AFF2: variants seen among roughly 807,000 people sequenced by gnomAD.
AFF2 encodes AF4/FMR2 family member 2.
In AFF2, 14 loss-of-function variants were observed where a neutral mutation model predicts 76.9. The ratio of observed to expected loss-of-function variants is 0.18; its 90% CI spans 0.12 to 0.28. The LOEUF is 0.28. AFF2 is among the 10% of genes least tolerant of loss of function. The pLI is 1.00. For synonymous variants in AFF2, 398 were observed against 366.7 expected (o/e 1.09, Z -0.98); for missense variants, 868 against 1,001.1 (o/e 0.87, Z 1.79).
At chrX:148,567,724 T>C (rs1220070925) in intron 1 of AFF2, among the ~76,000 whole-genome samples, 1 of 111,783 alleles carries the variant, frequency 8.9e-6, no homozygotes, top group East Asian at 2.8e-4. Context: ...AAAATGAAGC[T>C]CACTCTTATC....
chrX:148,895,653 A>G, intron 8 of AFF2, among the ~76,000 whole-genome samples: 1 of 109,889 alleles, frequency 9.1e-6, no homozygotes, highest in Non-Finnish European at 1.9e-5. Context: ...ACCGAAACAA[A>G]TAGAAATTCT....
chrX:148,606,616 G>A (rs890373302), intron 1 of AFF2, among the ~76,000 whole-genome samples: 2 of 111,420 alleles, frequency 1.8e-5, no homozygotes, highest in African/African-American at 6.5e-5. Context: ...AGATGCTATA[G>A]CATGTGAATG....
intron 1 of AFF2, among the ~76,000 whole-genome samples, chrX:148,647,537 A>T (rs1372635999): frequency 1.8e-5 from 2 of 111,388 alleles, no homozygotes; most frequent in Non-Finnish European, 3.8e-5. Flanking sequence ...TAAGGAAACT[A>T]GTGGTTTATC....
chrX:148,927,683 G>C (rs2071668564), intron 9 of AFF2, among the ~76,000 whole-genome samples: 1 of 111,965 alleles, frequency 8.9e-6, no homozygotes, highest in African/African-American at 3.2e-5. Flanking sequence ...GAGGGATGTG[G>C]CGTTCTGCAT....
intron 1 of AFF2, among the ~76,000 whole-genome samples, chrX:148,538,489 C>G (rs181758808): frequency 8.9e-6 from 1 of 112,498 alleles, no homozygotes; most frequent in Admixed American, 9.4e-5. Context: ...AGAAATCGTT[C>G]AGGAATTTTG....
At chrX:148,516,576 C>T (rs989576455) in intron 1 of AFF2, among the ~76,000 whole-genome samples, 8 of 111,944 alleles carry the variant, frequency 7.1e-5, no homozygotes, top group African/African-American at 9.8e-5. Context: ...ACGTCAGACA[C>T]TCATCTGAAC....
intron 1 of AFF2, among the ~76,000 whole-genome samples, chrX:148,544,736 G>T (rs1449081347): frequency 8.9e-6 from 1 of 112,013 alleles, no homozygotes; most frequent in Non-Finnish European, 1.9e-5. Flanking sequence ...CCTCTTATGA[G>T]TCCACTGAGC....
At chrX:148,632,215 G>A (rs1366124056) in intron 1 of AFF2, among the ~76,000 whole-genome samples, 1 of 112,123 alleles carries the variant, frequency 8.9e-6, no homozygotes, top group Non-Finnish European at 1.9e-5. Context: ...ATTGGAACTG[G>A]TTTGCATTTC....
intron 1 of AFF2, among the ~76,000 whole-genome samples, chrX:148,632,156 A>G (rs1360820602): frequency 3.6e-5 from 4 of 112,124 alleles, no homozygotes; most frequent in African/African-American, 1.3e-4. Context: ...TAATGCTTAA[A>G]CAGAATTTCA....
At chrX:148,733,133 T>C (rs1557264818) in intron 3 of AFF2, among the ~76,000 whole-genome samples, 1 of 111,762 alleles carries the variant, frequency 8.9e-6, no homozygotes, top group Non-Finnish European at 1.9e-5. Context: ...TTCACTGTTT[T>C]ACCCTTGTAA....
intron 5 of AFF2, among the ~76,000 whole-genome samples, chrX:148,839,894 GGTGTGTGTGT>G (rs200060298): frequency 3.1e-4 from 27 of 87,030 alleles, no homozygotes; most frequent in Non-Finnish European, 5.3e-4. Context: ...GTTGGGGCAT[GGTGTGTGTGT>G]GTGTGTGTGT....
chrX:148,792,052 A>G (rs1358585949), intron 3 of AFF2, among the ~76,000 whole-genome samples: 1 of 111,097 alleles, frequency 9.0e-6, no homozygotes, highest in African/African-American at 3.3e-5. Context: ...GTTTTTTTGT[A>G]CAGTGATTAA....
chrX:148,785,146 G>T (rs1557269407), intron 3 of AFF2, among the ~76,000 whole-genome samples: 1 of 112,327 alleles, frequency 8.9e-6, no homozygotes, highest in African/African-American at 3.2e-5. Flanking sequence ...CATATACACA[G>T]AGTCACACAG....
At chrX:148,638,453 C>T (rs782415091) in intron 1 of AFF2, among the ~76,000 whole-genome samples, 47 of 111,373 alleles carry the variant, frequency 4.2e-4, no homozygotes, top group Non-Finnish European at 8.1e-4. Flanking sequence ...GGAAGCCACC[C>T]GCATGATCCA....
chrX:148,942,764 C>T (rs1423291812), intron 9 of AFF2, among the ~76,000 whole-genome samples: 15 of 105,562 alleles, frequency 1.4e-4, no homozygotes, highest in Admixed American at 1.0e-4. Flanking sequence ...TGCAGTGAGT[C>T]GTGATCGCGC....
Position 148,996,194 on chromosome X carries a change from T to C in AFF2, c.*4862T>C, listed in dbSNP as rs1453811528. The stretch of plus-strand genomic sequence containing the variant: ...TATGAAATTGGGAGGAAGGAGACCC[T>C]GGACAGTAAGCAAAATTGGAGACAC... On this transcript the variant is annotated 3_prime_UTR_variant, in exon 21 of 21. Transcript: ENST00000370460. The C allele has an allele frequency of 8.9e-6, 1 of 112,429 alleles. No individual in the cohort carries two copies. The highest frequency in any genetic ancestry group is 9.4e-5 in the Admixed American group (1 of 10,678). The allele number at this position is 112,429 out of a possible 1,213,427, so 9.3% of individuals were successfully genotyped here. A position where few individuals can be genotyped will look rare whatever the true frequency, so the allele number is the denominator to read the frequency against.
intron 3 of AFF2, among the ~76,000 whole-genome samples, chrX:148,766,871 G>A (rs1195481369): frequency 8.9e-6 from 1 of 111,880 alleles, no homozygotes; most frequent in Non-Finnish European, 1.9e-5. Flanking sequence ...ACTCAGAAGT[G>A]CCAAAAGAAA....
intron 4 of AFF2, among the ~76,000 whole-genome samples, chrX:148,825,462 G>A (rs2070376783): frequency 9.0e-6 from 1 of 111,472 alleles, no homozygotes; most frequent in South Asian, 3.8e-4. Flanking sequence ...TTTTCAAAGG[G>A]TCACTTTGAA....
intron 8 of AFF2, among the ~76,000 whole-genome samples, chrX:148,889,020 A>G (rs740653): frequency 0.038 from 4,203 of 111,669 alleles, 173 homozygotes; most frequent in African/African-American, 0.13. Flanking sequence ...GACGTCCCCA[A>G]ATCATCTCAT....
Sources: gnomAD v4.1 joint callset for allele counts (sites outside exome capture counted in the v4.1 genomes callset) on GRCh38, gnomAD v4.1.1 for gene constraint, MANE v1.5 for transcripts, NCBI Gene and HGNC (gene_info 2026-07-23, HGNC 2026-07-21) for gene names.